RANBP2: variants seen among roughly 807,000 people sequenced by gnomAD.
RANBP2 encodes the protein RAN binding protein 2.
In RANBP2, 57 loss-of-function variants were observed where a neutral mutation model predicts 303.6. The observed-to-expected ratio is 0.19, with a 90% confidence interval of 0.15 to 0.23. The LOEUF (loss-of-function observed/expected upper bound fraction) is 0.23, where lower values mean the gene tolerates loss of function less well. Among genes scored for constraint, RANBP2 ranks in the 10% least tolerant of loss-of-function variants. The probability of loss-of-function intolerance (pLI) is 1.00; values close to 1 mark genes in which losing one functional copy is unlikely to be tolerated. For synonymous variants in RANBP2, 1,167 were observed against 1,301.5 expected (o/e 0.90, Z 2.23); for missense variants, 3,138 against 3,780.8 (o/e 0.83, Z 4.46).
At chr2:109,199,947 C>T in the RANBP2 span, among the ~76,000 whole-genome samples, 1 of 146,014 alleles carries the variant, frequency 6.8e-6, no homozygotes, top group Admixed American at 6.8e-5. Flanking sequence ...CACGTGTCCC[C>T]AGGGACGTTT....
At chr2:109,394,702 G>T in the RANBP2 span, among the ~76,000 whole-genome samples, 1 of 152,216 alleles carries the variant, frequency 6.6e-6, no homozygotes, top group African/African-American at 2.4e-5. Context: ...GATAAACAAG[G>T]TGACGCCACA....
chr2:109,240,997 A>G, the RANBP2 span, among the ~76,000 whole-genome samples: 4 of 152,092 alleles, frequency 2.6e-5, no homozygotes, highest in Non-Finnish European at 4.4e-5. Context: ...CAAAAACTCC[A>G]TGCCTCCCTT....
At chr2:109,196,398 G>T in the RANBP2 span, among the ~76,000 whole-genome samples, 146 of 152,322 alleles carry the variant, frequency 9.6e-4, no homozygotes, top group African/African-American at 3.2e-3. Flanking sequence ...ATTTAATCCC[G>T]TGGCGGGCAG....
the RANBP2 span, among the ~76,000 whole-genome samples, chr2:109,285,035 G>A: frequency 1.3e-5 from 2 of 152,218 alleles, no homozygotes; most frequent in Admixed American, 6.5e-5. Flanking sequence ...GTGCCGCGGG[G>A]CCTCTGCTCC....
the RANBP2 span, among the ~76,000 whole-genome samples, chr2:109,536,315 G>A: frequency 3.9e-5 from 6 of 152,218 alleles, no homozygotes; most frequent in Admixed American, 1.3e-4. Flanking sequence ...AGCTGCCCAA[G>A]ACCATGGGAA....
chr2:109,723,828 A>G, the RANBP2 span, among the ~76,000 whole-genome samples: 1 of 152,230 alleles, frequency 6.6e-6, no homozygotes, highest in Non-Finnish European at 1.5e-5. Flanking sequence ...CGTTTTCATT[A>G]TGAAATCTTT....
chr2:109,569,395 C>T, the RANBP2 span, among the ~76,000 whole-genome samples: 4 of 148,160 alleles, frequency 2.7e-5, no homozygotes, highest in East Asian at 8.0e-4. Flanking sequence ...CGCGTCATTG[C>T]ATTCCACACT....
the RANBP2 span, among the ~76,000 whole-genome samples, chr2:109,287,640 G>A: frequency 2.3e-3 from 357 of 152,264 alleles, 1 homozygote; most frequent in African/African-American, 8.2e-3. Flanking sequence ...AGGCGGGAGG[G>A]GAACTGTGAG....
the RANBP2 span, among the ~76,000 whole-genome samples, chr2:109,317,298 G>A: frequency 3.3e-5 from 5 of 152,162 alleles, no homozygotes; most frequent in South Asian, 4.1e-4. Context: ...TGGTGACAGG[G>A]CGACAGCAAT....
At chr2:108,834,462 G>T in the RANBP2 span, among the ~76,000 whole-genome samples, 1 of 151,942 alleles carries the variant, frequency 6.6e-6, no homozygotes, top group African/African-American at 2.4e-5. Flanking sequence ...TGATCCACAC[G>T]CCTTGGCCTC....
At chr2:109,322,992 G>A in the RANBP2 span, among the ~76,000 whole-genome samples, 15 of 152,366 alleles carry the variant, frequency 9.8e-5, no homozygotes, top group African/African-American at 3.4e-4. Context: ...GGGCAAGGCT[G>A]CTGAGCTGTG....
chr2:108,863,138 T>C, the RANBP2 span, among the ~76,000 whole-genome samples: 1 of 152,230 alleles, frequency 6.6e-6, no homozygotes, highest in Non-Finnish European at 1.5e-5. Flanking sequence ...TTTTCTTGAT[T>C]TGAACAACAT....
chr2:109,130,299 G>T, the RANBP2 span, among the ~76,000 whole-genome samples: 1 of 152,312 alleles, frequency 6.6e-6, no homozygotes, highest in African/African-American at 2.4e-5. Context: ...GCAGCTCGCC[G>T]CTTGTTCACG....
chr2:108,939,405 T>G, the RANBP2 span, among the ~76,000 whole-genome samples: 1 of 152,218 alleles, frequency 6.6e-6, no homozygotes, highest in Non-Finnish European at 1.5e-5. Context: ...AAGGCTGGTC[T>G]TGAACTCCTG....
the RANBP2 span, among the ~76,000 whole-genome samples, chr2:109,628,367 G>A: frequency 2.0e-5 from 3 of 152,030 alleles, no homozygotes; most frequent in Admixed American, 6.6e-5. Flanking sequence ...GGTGGCTTGC[G>A]CCTGTAATCC....
the RANBP2 span, among the ~76,000 whole-genome samples, chr2:109,014,745 G>A: frequency 1.3e-5 from 2 of 152,186 alleles, no homozygotes; most frequent in South Asian, 4.1e-4. Context: ...GCCAGACACG[G>A]CTCTAGATCC....
At chr2:109,663,274 CTT>C in the RANBP2 span, among the ~76,000 whole-genome samples, 3 of 152,230 alleles carry the variant, frequency 2.0e-5, no homozygotes, top group African/African-American at 7.2e-5. Context: ...TCTCACAGCA[CTT>C]TGCACATACT....
At position 108,783,937 on chromosome 2, in the gene RANBP2, AGCAG is replaced by A. The variant is rs1307143710; in HGVS notation, c.*37_*40del. The A allele has an allele frequency of 1.3e-6, 2 of 1,557,712 alleles. No homozygotes were observed. Among genetic ancestry groups the A allele is most frequent in the South Asian group, 2.2e-5 (2 of 89,052 alleles). On this transcript the variant is annotated 3_prime_UTR_variant, in exon 29 of 29. Coordinates refer to ENST00000283195, the MANE Select transcript of RANBP2 (RefSeq NM_006267.5). ...GTTCATAGAAAATTTCATCTGTATAAGCAGTTGGATTGAAGCTTAGCTATTACAA... is the reference window on the plus strand; with the variant it reads ...GTTCATAGAAAATTTCATCTGTATAATTGGATTGAAGCTTAGCTATTACAA...
the RANBP2 span, among the ~76,000 whole-genome samples, chr2:109,172,613 C>G: frequency 6.6e-6 from 1 of 152,192 alleles, no homozygotes; most frequent in Non-Finnish European, 1.5e-5. Context: ...TGTTTTGAAT[C>G]AGCAGCATCA....
Sources: allele counts gnomAD v4.1 joint callset (sites outside exome capture counted in the v4.1 genomes callset), GRCh38; gene constraint gnomAD v4.1.1; transcripts MANE v1.5; gene names NCBI Gene and HGNC (gene_info 2026-07-23, HGNC 2026-07-21).